The following RAB44 variants were observed in gnomAD, a reference collection of about 807,000 sequenced individuals.
RAB44 encodes the protein RAB44, member RAS oncogene family, also known as ras-related protein Rab-44.
A neutral mutation model predicts 93.3 loss-of-function variants in RAB44; 67 were observed. That is an observed-to-expected ratio of 0.72 (90% confidence interval 0.59 to 0.88). The LOEUF (loss-of-function observed/expected upper bound fraction) is 0.88, where lower values mean the gene tolerates loss of function less well. Ranked by LOEUF, RAB44 falls within the 40% of genes least tolerant of loss-of-function variation. The pLI is 0.00. For missense variants in RAB44, 1,064 were observed against 1,261.7 expected, an observed-to-expected ratio of 0.84 and a Z score of 2.37; for synonymous variants, 427 against 520.3, an observed-to-expected ratio of 0.82 and a Z score of 2.44.
At chr6:36,713,587 G>A (rs1012217226) in intron 2 of RAB44, among the ~76,000 whole-genome samples, 12 of 152,172 alleles carry the variant, frequency 7.9e-5, no homozygotes, top group African/African-American at 1.4e-4. Flanking sequence ...CTTAGGACAC[G>A]TACGTTTTGA....
intron 9 of RAB44, among the ~76,000 whole-genome samples, chr6:36,724,288 C>T (rs539618801): frequency 6.6e-6 from 1 of 152,148 alleles, no homozygotes; most frequent in African/African-American, 2.4e-5. Flanking sequence ...CTGCCTCAGC[C>T]TCCCAAGTAG....
At chr6:36,708,411 T>C (rs969708529) in intron 2 of RAB44, among the ~76,000 whole-genome samples, 3 of 152,162 alleles carry the variant, frequency 2.0e-5, no homozygotes, top group African/African-American at 7.2e-5. Context: ...TGTTGAAGTA[T>C]TTAAAACATA....
intron 10 of RAB44, 119 bp downstream of exon 10, chr6:36,726,062 G>A (rs769482670): frequency 5.3e-6 from 4 of 761,482 alleles, no homozygotes; most frequent in Non-Finnish European, 8.9e-6. Flanking sequence ...GATTCAGGAG[G>A]TCAGGGAAGG....
Position 36,728,664 on chromosome 6 carries a change from A to T in RAB44, c.2797-36A>T. The T allele has an allele frequency of 2.0e-6, 3 of 1,523,528 alleles. No individual in the cohort carries two copies. The South Asian group carries it at 3.6e-5, about 18-fold the overall frequency. The allele number at this position is 1,523,528 out of a possible 1,614,324, so 94.4% of individuals were successfully genotyped here. On this transcript the variant is annotated intron_variant, in intron 11 of 13. Coordinates refer to ENST00000612677, the MANE Select transcript of RAB44 (RefSeq NM_001257357.2). ...CAAATGTGCCAGGAGCCTGGCACAC[A>T]GTGGGTGTGGCTGACAGAACATGTT...
At chr6:36,711,111 T>A (rs959558594) in intron 2 of RAB44, among the ~76,000 whole-genome samples, 1 of 152,234 alleles carries the variant, frequency 6.6e-6, no homozygotes, top group Non-Finnish European at 1.5e-5. Context: ...TATTAATTGA[T>A]GTACTTCAAT....
intron 1 of RAB44, 32 bp from the exon 2 acceptor site, chr6:36,704,192 C>A (rs993199294): frequency 1.5e-5 from 23 of 1,506,064 alleles, no homozygotes; most frequent in Non-Finnish European, 2.1e-5. Flanking sequence ...GACTGTCCAG[C>A]AGCCCGGTGC....
chr6:36,704,364 G>A lies in RAB44; in HGVS notation c.129G>A (p.Gln43=). The A allele has an allele frequency of 6.5e-7, 1 of 1,536,144 alleles. No individual in the cohort carries two copies. Among genetic ancestry groups the A allele is most frequent in the Non-Finnish European group, 8.7e-7 (1 of 1,146,904 alleles). The change falls in exon 2 of 14, where the codon CAG becomes CAA. Residue 43 remains glutamine (Q), a synonymous_variant. Coordinates refer to ENST00000612677, the MANE Select transcript of RAB44 (RefSeq NM_001257357.2). ...VAPEPESWSS[Q]AAAELQAFFQ... The stretch of plus-strand genomic sequence containing the variant: ...CAGAGCCAGAGTCTTGGTCCTCTCA[G>A]GCAGCGGCAGAACTGCAGGCCTTCT...
intron 1 of RAB44, among the ~76,000 whole-genome samples, chr6:36,698,550 C>A (rs11750982): frequency 0.12 from 17,517 of 152,082 alleles, 1,088 homozygotes; most frequent in South Asian, 0.19. Context: ...TGTTTGGCTT[C>A]AAGTTTTATG....
chr6:36,728,527 G>A (rs1763288783), intron 11 of RAB44, among the ~76,000 whole-genome samples, 173 bp from the exon 12 acceptor site: 1 of 151,974 alleles, frequency 6.6e-6, no homozygotes, highest in Admixed American at 6.6e-5. Context: ...TAAGTGAGAT[G>A]TTTATCAGCA....
intron 1 of RAB44, among the ~76,000 whole-genome samples, chr6:36,699,365 C>T (rs982849621): frequency 3.3e-5 from 5 of 152,174 alleles, no homozygotes; most frequent in Non-Finnish European, 5.9e-5. Context: ...AGGATTCTAA[C>T]ATCCTACACC....
At chr6:36,698,318 AC>A (rs1393140354) in intron 1 of RAB44, among the ~76,000 whole-genome samples, 1 of 152,166 alleles carries the variant, frequency 6.6e-6, no homozygotes, top group East Asian at 1.9e-4. Flanking sequence ...TGGAGAGCAG[AC>A]CCAGTTCTGA....
intron 9 of RAB44, 54 bp from the exon 10 acceptor site, chr6:36,725,808 C>G (rs1426595574): frequency 7.6e-7 from 1 of 1,314,348 alleles, no homozygotes; most frequent in Non-Finnish European, 1.1e-6. Context: ...TAGGCCTTGG[C>G]TAGGAGTCCT....
intron 2 of RAB44, among the ~76,000 whole-genome samples, chr6:36,709,198 G>A (rs536695848): frequency 5.3e-5 from 8 of 152,078 alleles, no homozygotes; most frequent in East Asian, 1.9e-4. Flanking sequence ...TGATCCACCC[G>A]CCTCGGCCTC....
Position 36,732,480 on chromosome 6 carries a change from CAGT to C in RAB44, c.*389_*391del. ...TGTATTTTCAGATTTTCAACAATAA[CAGT>C]ATTCAATACATAATCAGAAAAAAGA... On this transcript the variant is annotated 3_prime_UTR_variant, in exon 14 of 14. Coordinates refer to ENST00000612677, the MANE Select transcript of RAB44 (RefSeq NM_001257357.2). The C allele has an allele frequency of 6.4e-6, 1 of 156,300 alleles. No individual in the cohort carries two copies. Among genetic ancestry groups the C allele is most frequent in the South Asian group, 2.1e-4 (1 of 4,856 alleles). The allele number at this position is 156,300 out of a possible 1,614,324, so 9.7% of individuals were successfully genotyped here.
At chr6:36,719,246 G>A (rs1000158524) in intron 7 of RAB44, among the ~76,000 whole-genome samples, 4 of 152,158 alleles carry the variant, frequency 2.6e-5, no homozygotes, top group African/African-American at 4.8e-5. Flanking sequence ...CCTTCAGCCC[G>A]GGACAAGATT....
At chr6:36,728,552 G>A (rs1214557131) in intron 11 of RAB44, 148 bp from the exon 12 acceptor site, 8 of 649,018 alleles carry the variant, frequency 1.2e-5, no homozygotes, top group South Asian at 5.3e-5. Flanking sequence ...GGAAGGATGG[G>A]GGAAAGGGTC....
At chr6:36,714,917 G>A (rs1468773787) in intron 3 of RAB44, among the ~76,000 whole-genome samples, 3 of 152,140 alleles carry the variant, frequency 2.0e-5, no homozygotes, top group Non-Finnish European at 4.4e-5. Context: ...CTGCAGTGCT[G>A]TTCTCTTTGC....
intron 6 of RAB44, 35 bp downstream of exon 6, chr6:36,718,153 T>C: frequency 8.3e-7 from 1 of 1,205,324 alleles, no homozygotes; most frequent in Non-Finnish European, 1.0e-6. Flanking sequence ...TCCTTCCCAC[T>C]GCCCGGGACA....
chr6:36,732,026 G>A lies in RAB44; in HGVS notation c.2999G>A (p.Gly1000Asp), dbSNP rs1047174006. The A allele has an allele frequency of 1.1e-5, 14 of 1,234,354 alleles. No homozygotes were observed. Among genetic ancestry groups the A allele is most frequent in the Non-Finnish European group, 1.4e-5 (14 of 988,284 alleles). 76.5% of individuals were successfully genotyped at this position (1,234,354 alleles called of 1,614,324 possible). ...AGGTCACTCAGGATGCAAGAAGAAG[G>A]CCTGAAGGACTCGCTGGTGAAGGTG... ...LARSLRMQEE[G>D]LKDSLVKVAP... The change falls in exon 14 of 14, where the codon GGC (glycine) becomes GAC (aspartate). Residue 1000 changes from glycine to aspartate, a missense_variant. Coordinates refer to ENST00000612677, the MANE Select transcript of RAB44 (RefSeq NM_001257357.2).
Sources: allele counts gnomAD v4.1 joint callset (sites outside exome capture counted in the v4.1 genomes callset), GRCh38; gene constraint gnomAD v4.1.1; transcripts MANE v1.5; gene names NCBI Gene and HGNC (gene_info 2026-07-23, HGNC 2026-07-21).